Variants in RNLS observed in about 807,000 individuals in gnomAD.
RNLS encodes the protein renalase, FAD dependent amine oxidase.
A neutral mutation model predicts 39.8 loss-of-function variants in RNLS; 39 were observed. The observed-to-expected ratio is 0.98, with a 90% CI of 0.76 to 1.28. The LOEUF is 1.28. Ranked by LOEUF, RNLS falls within the 50% of genes most tolerant of loss-of-function variation. RNLS has a pLI of 0.00. For synonymous variants in RNLS, 147 were observed against 150.7 expected (o/e 0.98, Z 0.18); for missense variants, 410 against 413.3 (o/e 0.99, Z 0.07).
chr10:88,241,505 G>A, the RNLS span, among the ~76,000 whole-genome samples: 2 of 151,968 alleles, frequency 1.3e-5, no homozygotes, highest in African/African-American at 4.8e-5. Context: ...CCCTTTTCAT[G>A]TCTAGTACTG....
intron 4 of RNLS, among the ~76,000 whole-genome samples, chr10:88,410,122 A>G (rs1265200597): frequency 2.0e-5 from 3 of 152,154 alleles, no homozygotes; most frequent in Non-Finnish European, 2.9e-5. Flanking sequence ...TTTGATCTAT[A>G]TTAGGACAAT....
chr10:88,286,798 T>TC (rs1016534841), intron 6 of RNLS, among the ~76,000 whole-genome samples: 6 of 151,650 alleles, frequency 4.0e-5, no homozygotes, highest in African/African-American at 7.3e-5. Context: ...TTACAGTTTT[T>TC]TTTTTTCTTC....
the RNLS span, among the ~76,000 whole-genome samples, chr10:88,192,251 G>A: frequency 6.6e-6 from 1 of 152,066 alleles, no homozygotes; most frequent in African/African-American, 2.4e-5. Flanking sequence ...TTCTTCATCT[G>A]TAAAATAAGA....
chr10:88,230,230 C>T, the RNLS span, among the ~76,000 whole-genome samples: 1 of 152,156 alleles, frequency 6.6e-6, no homozygotes, highest in Admixed American at 6.5e-5. Context: ...TAGACAAAAA[C>T]AAGCAAACAA....
chr10:88,351,273 C>A (rs1008381072), intron 5 of RNLS, among the ~76,000 whole-genome samples: 2 of 152,158 alleles, frequency 1.3e-5, no homozygotes, highest in African/African-American at 4.8e-5. Context: ...GTTGCCATTG[C>A]TTTTGGTGCT....
At chr10:88,498,216 C>G (rs1845280539) in intron 4 of RNLS, among the ~76,000 whole-genome samples, 1 of 151,492 alleles carries the variant, frequency 6.6e-6, no homozygotes. Flanking sequence ...TGATATATAT[C>G]AATATTATGT....
At chr10:88,375,231 A>C (rs549266726) in intron 4 of RNLS, among the ~76,000 whole-genome samples, 6 of 152,234 alleles carry the variant, frequency 3.9e-5, no homozygotes, top group African/African-American at 1.4e-4. Context: ...AGAACAAAAA[A>C]ACCCCAAAAT....
intron 4 of RNLS, among the ~76,000 whole-genome samples, chr10:88,410,320 GT>G (rs1329609817): frequency 6.6e-6 from 1 of 151,920 alleles, no homozygotes; most frequent in Non-Finnish European, 1.5e-5. Context: ...CCATATAATT[GT>G]TTTCCTTATT....
At chr10:88,333,395 G>T (rs1847256353) in intron 5 of RNLS, among the ~76,000 whole-genome samples, 1 of 152,108 alleles carries the variant, frequency 6.6e-6, no homozygotes, top group African/African-American at 2.4e-5. Context: ...ATTCTCCAGG[G>T]TAACTACTGT....
At chr10:88,302,472 A>G (rs1329282263) in intron 6 of RNLS, among the ~76,000 whole-genome samples, 1 of 152,260 alleles carries the variant, frequency 6.6e-6, no homozygotes, top group Non-Finnish European at 1.5e-5. Context: ...TGCTATTAAA[A>G]TCAGCTTACT....
At chr10:88,483,753 C>T (rs1844338798) in intron 4 of RNLS, among the ~76,000 whole-genome samples, 1 of 151,984 alleles carries the variant, frequency 6.6e-6, no homozygotes, top group Non-Finnish European at 1.5e-5. Context: ...TCAATAACCT[C>T]ATACCACATA....
In RNLS at chr10:88,312,485, C is replaced by T. The variant is rs117496687; in HGVS notation, c.876+1981G>A. 4.0e-3 allele frequency among the ~76,000 whole-genome samples: 609 copies of T among 152,186 alleles called. 3 individuals are homozygous for T. Among genetic ancestry groups the T allele is most frequent in the South Asian group, 0.029 (138 of 4,812 alleles). ...ATAAATTTGTGTTGTTTCCCACTAC[C>T]AAGTTTTTGAGAATTTGTTACAACA... On this transcript the variant is annotated intron_variant, in intron 6 of 6. Coordinates refer to ENST00000331772, the MANE Select transcript of RNLS (RefSeq NM_001031709.3).
intron 4 of RNLS, among the ~76,000 whole-genome samples, chr10:88,509,261 A>G (rs1845957693): frequency 6.6e-6 from 1 of 152,166 alleles, no homozygotes; most frequent in East Asian, 1.9e-4. Flanking sequence ...AAGACAGGCA[A>G]CTGTTGCACA....
intron 4 of RNLS, among the ~76,000 whole-genome samples, chr10:88,387,192 A>G (rs1400643883): frequency 6.6e-6 from 1 of 152,220 alleles, no homozygotes; most frequent in African/African-American, 2.4e-5. Context: ...AACTGCTCCA[A>G]ACCCAGAAGA....
chr10:88,187,187 A>ATT, the RNLS span, among the ~76,000 whole-genome samples: 2 of 9,576 alleles, frequency 2.1e-4, no homozygotes, highest in South Asian at 7.8e-3. Context: ...TAATATATAT[A>ATT]ATATATATAA....
chr10:88,500,997 ATGTGTGTGTGTATATATATCTC>A (rs1845443753), intron 4 of RNLS, among the ~76,000 whole-genome samples: 1 of 144,018 alleles, frequency 6.9e-6, no homozygotes, highest in Non-Finnish European at 1.5e-5. Flanking sequence ...ATGTATATAT[ATGTGTGTGTGTATATATATCTC>A]TGTGTGTGTG....
the RNLS span, among the ~76,000 whole-genome samples, chr10:88,229,223 A>G: frequency 1.3e-5 from 2 of 152,228 alleles, no homozygotes. Context: ...GAATACCCCA[A>G]TTCAAGTGCC....
chr10:88,559,780 C>T (rs1268835262), intron 4 of RNLS, among the ~76,000 whole-genome samples: 1 of 152,058 alleles, frequency 6.6e-6, no homozygotes, highest in Non-Finnish European at 1.5e-5. Flanking sequence ...TTTGAGTGGA[C>T]TCTATATTCT....
At chr10:88,320,821 G>C (rs1005047757) in intron 5 of RNLS, among the ~76,000 whole-genome samples, 7 of 148,542 alleles carry the variant, frequency 4.7e-5, no homozygotes, top group Admixed American at 1.4e-4. Context: ...TAGACCTAAA[G>C]AGAAGAGATA....
Sources: gnomAD v4.1 joint callset for allele counts (sites outside exome capture counted in the v4.1 genomes callset) on GRCh38, gnomAD v4.1.1 for gene constraint, MANE v1.5 for transcripts, NCBI Gene and HGNC (gene_info 2026-07-23, HGNC 2026-07-21) for gene names.